STK39: variants seen among roughly 807,000 people sequenced by gnomAD.
The protein encoded by STK39 is STE20/SPS1-related proline-alanine-rich protein kinase.
A neutral mutation model predicts 77.8 loss-of-function variants in STK39; 20 were observed. The ratio of observed to expected loss-of-function variants is 0.26; its 90% CI spans 0.18 to 0.37. The LOEUF is 0.37. STK39 is among the 10% of genes least tolerant of loss of function. The pLI is 1.00. For synonymous variants in STK39, 246 were observed against 234.1 expected (o/e 1.05, Z -0.47); for missense variants, 479 against 656.5 (o/e 0.73, Z 2.95).
At chr2:168,153,646 G>GT (rs1553535721) in intron 5 of STK39, among the ~76,000 whole-genome samples, 4 of 150,346 alleles carry the variant, frequency 2.7e-5, no homozygotes, top group Non-Finnish European at 5.9e-5. Context: ...GGGTGGGGGG[G>GT]GGTTACAATA....
At chr2:168,058,370 C>A (rs1306360493) in intron 14 of STK39, among the ~76,000 whole-genome samples, 1 of 152,200 alleles carries the variant, frequency 6.6e-6, no homozygotes, top group African/African-American at 2.4e-5. Flanking sequence ...CCTTCTCAAT[C>A]AGTGGATGCT....
chr2:168,111,577 ATCTTC>A (rs765901132), intron 10 of STK39, among the ~76,000 whole-genome samples: 1 of 152,112 alleles, frequency 6.6e-6, no homozygotes, highest in Non-Finnish European at 1.5e-5. Context: ...TGATTTTAGG[ATCTTC>A]TCTTTATTTC....
At chr2:168,019,080 T>G (rs1275486843) in intron 14 of STK39, among the ~76,000 whole-genome samples, 1 of 151,720 alleles carries the variant, frequency 6.6e-6, no homozygotes, top group Non-Finnish European at 1.5e-5. Flanking sequence ...AACCTTGACT[T>G]TTATCACTAC....
At chr2:168,122,274 G>C (rs1426332770) in intron 10 of STK39, among the ~76,000 whole-genome samples, 1 of 152,130 alleles carries the variant, frequency 6.6e-6, no homozygotes, top group Non-Finnish European at 1.5e-5. Flanking sequence ...TTATAAGTGA[G>C]AACATGCGGC....
At chr2:168,209,741 G>A (rs1404454219) in intron 1 of STK39, among the ~76,000 whole-genome samples, 5 of 152,288 alleles carry the variant, frequency 3.3e-5, no homozygotes, top group African/African-American at 1.2e-4. Flanking sequence ...GCTCACGCCT[G>A]TAATCCCAAC....
At chr2:168,098,935 T>C (rs1686746233) in intron 10 of STK39, among the ~76,000 whole-genome samples, 1 of 152,220 alleles carries the variant, frequency 6.6e-6, no homozygotes, top group Non-Finnish European at 1.5e-5. Flanking sequence ...TACCAGGCCA[T>C]AGAGCATTGC....
chr2:168,124,350 T>G (rs1449805722), intron 10 of STK39, among the ~76,000 whole-genome samples: 1 of 152,146 alleles, frequency 6.6e-6, no homozygotes, highest in East Asian at 1.9e-4. Flanking sequence ...TTCAGACATT[T>G]GCATAGCTAC....
rs377435885 is a variant in STK39, at chr2:168,140,727, C to T, written c.660G>A (p.Gly220=). 2 of 1,609,556 alleles carry T rather than the reference C, an allele frequency of 1.2e-6. No individual in the cohort carries two copies. The highest frequency in any genetic ancestry group is 1.1e-5 in the South Asian group (1 of 90,488). Residue 220 remains glycine, a synonymous_variant, in exon 6 of 18, where the codon GGG becomes GGA. Coordinates refer to ENST00000355999, the MANE Select transcript of STK39 (RefSeq NM_013233.3). ...DFGVSAFLAT[G]GDVTRNKVRK... ...TTACTTTATTTCGGGTAACATCACC[C>T]CCTGTTGCTAGGAACGCACTTACCC...
chr2:168,174,634 C>A (rs890467141), intron 2 of STK39, among the ~76,000 whole-genome samples: 1 of 151,878 alleles, frequency 6.6e-6, no homozygotes, highest in Admixed American at 6.6e-5. Flanking sequence ...CAGGTATGAA[C>A]AATCGCTTTT....
chr2:168,217,869 T>A (rs1690065279), intron 1 of STK39, among the ~76,000 whole-genome samples: 1 of 152,168 alleles, frequency 6.6e-6, no homozygotes, highest in African/African-American at 2.4e-5. Context: ...GTAGACATAT[T>A]TAATAGTCAA....
intron 3 of STK39, among the ~76,000 whole-genome samples, chr2:168,166,839 A>G (rs928829340): frequency 2.0e-5 from 3 of 152,180 alleles, no homozygotes; most frequent in Non-Finnish European, 4.4e-5. Context: ...GCAAACTGCA[A>G]TGTGTTAAGG....
chr2:168,221,456 AAGTTGTATGAAAACATT>A (rs1690168192), intron 1 of STK39, among the ~76,000 whole-genome samples: 1 of 152,232 alleles, frequency 6.6e-6, no homozygotes, highest in African/African-American at 2.4e-5. Context: ...CAAAATGGCA[AAGTTGTATGAAAACATT>A]AGTCCTGTCT....
intron 13 of STK39, 105 bp downstream of exon 13, chr2:168,065,214 A>G (rs2105387535): frequency 1.6e-6 from 2 of 1,225,936 alleles, no homozygotes; most frequent in Non-Finnish European, 2.4e-6. Flanking sequence ...TAAGCCCTTG[A>G]TTTGGAGGCA....
intron 17 of STK39, among the ~76,000 whole-genome samples, chr2:167,958,505 CAA>C (rs1281930495): frequency 6.6e-6 from 1 of 152,086 alleles, no homozygotes; most frequent in East Asian, 1.9e-4. Flanking sequence ...CAAGAAAACT[CAA>C]AGAGTGGCCT....
rs564129908 is a variant in STK39, at chr2:168,126,055, AGAG to A, written c.1089+3483_1089+3485del. On this transcript the variant is annotated intron_variant, in intron 10 of 17. Transcript: ENST00000355999. ...ATCTCTTAATGTTGGTTAGCAGAAG[AGAG>A]GAGAAGAGAATGCTGTTTATGACAG... Among the ~76,000 whole-genome samples the A allele has an allele frequency of 6.7e-3, 1,020 of 152,326 alleles. 6 individuals carry two copies. The highest frequency in any genetic ancestry group is 0.024 in the Middle Eastern group (7 of 294).
At chr2:168,119,247 C>T (rs991139838) in intron 10 of STK39, among the ~76,000 whole-genome samples, 7 of 152,080 alleles carry the variant, frequency 4.6e-5, no homozygotes, top group African/African-American at 7.2e-5. Context: ...ACGGTAACTG[C>T]GGAAGTGGGT....
intron 16 of STK39, among the ~76,000 whole-genome samples, chr2:167,972,868 G>A (rs1413605626): frequency 6.6e-6 from 1 of 152,000 alleles, no homozygotes; most frequent in Admixed American, 6.6e-5. Context: ...CTAAGGCTCT[G>A]GTCTTTTTGG....
chr2:168,017,650 G>A (rs1684449763), intron 14 of STK39, among the ~76,000 whole-genome samples: 2 of 151,990 alleles, frequency 1.3e-5, no homozygotes, highest in South Asian at 4.2e-4. Context: ...TGGGATTACA[G>A]GCATGAGCCA....
intron 16 of STK39, among the ~76,000 whole-genome samples, chr2:167,994,793 T>C (rs1221280352): frequency 3.3e-5 from 5 of 152,128 alleles, no homozygotes; most frequent in East Asian, 1.9e-4. Flanking sequence ...CCAGAAAGAG[T>C]TGGTTTTAGT....
Sources: gnomAD v4.1 joint callset for allele counts (sites outside exome capture counted in the v4.1 genomes callset) on GRCh38, gnomAD v4.1.1 for gene constraint, MANE v1.5 for transcripts, NCBI Gene and HGNC (gene_info 2026-07-23, HGNC 2026-07-21) for gene names.